Variants in C12orf43 observed in about 807,000 individuals in gnomAD.
C12orf43 encodes the protein chromosome 12 open reading frame 43.
A neutral mutation model predicts 20.6 loss-of-function variants in C12orf43; 15 were observed. The observed-to-expected ratio is 0.73, with a 90% CI of 0.49 to 1.12. The LOEUF (loss-of-function observed/expected upper bound fraction) is 1.12. Among genes scored for constraint, C12orf43 ranks in the 50% most tolerant of loss-of-function variants. C12orf43 has a pLI of 0.00. For missense variants in C12orf43, 334 were observed against 344.4 expected (o/e 0.97, Z 0.24); for synonymous variants, 144 against 130.8 (o/e 1.10, Z -0.69).
In C12orf43 at chr12:121,003,981, G is replaced by A; in HGVS notation, c.*172C>T. ...TTCTCACCCTACAGCCACTTTTTTG[G>A]CCCAACTCTCGAGCAAGCCTTCATC... On this transcript the variant is annotated 3_prime_UTR_variant, in exon 6 of 6. Coordinates refer to ENST00000288757, the MANE Select transcript of C12orf43 (RefSeq NM_022895.3). The A allele has an allele frequency of 1.4e-6, 1 of 715,952 alleles. No homozygotes were observed. The highest frequency in any genetic ancestry group is 2.5e-5 in the Admixed American group (1 of 39,596). 44.3% of individuals were successfully genotyped at this position (715,952 alleles called of 1,614,324 possible).
intron 1 of C12orf43, among the ~76,000 whole-genome samples, chr12:121,011,386 A>G (rs1878448411): frequency 6.8e-6 from 1 of 148,088 alleles, no homozygotes; most frequent in Non-Finnish European, 1.5e-5. Flanking sequence ...TTATGTAAGT[A>G]CATTATATAT....
Position 121,016,403 on chromosome 12 carries a change from C to A in C12orf43, c.72G>T (p.Glu24Asp). 1 of 1,614,052 alleles carries A rather than the reference C, an allele frequency of 6.2e-7. No homozygotes were observed. Among genetic ancestry groups the A allele is most frequent in the South Asian group, 1.1e-5 (1 of 91,088 alleles). Reference protein sequence around the residue: ...SNSSSDAEELERCREAAMPAW... With the variant: ...SNSSSDAEELDRCREAAMPAW... ...CCGGCATTGCCGCCTCGCGGCACCGCTCCAGCTCCTCCGCATCGCTACTGC... is the reference window on the plus strand; with the variant it reads ...CCGGCATTGCCGCCTCGCGGCACCGATCCAGCTCCTCCGCATCGCTACTGC... The change falls in exon 1 of 6, where the codon GAG (glutamate) becomes GAT (aspartate). Residue 24 changes from glutamate to aspartate, a missense_variant. Transcript: ENST00000288757.
intron 1 of C12orf43, among the ~76,000 whole-genome samples, chr12:121,014,957 T>C (rs1868766938): frequency 6.6e-6 from 1 of 151,652 alleles, no homozygotes; most frequent in Non-Finnish European, 1.5e-5. Flanking sequence ...GACTGAGTCC[T>C]AGTTTTGAAA....
Position 121,000,891 on chromosome 12 carries a change from T to C in C12orf43, c.*3262A>G, listed in dbSNP as rs1592900288. 14 of 797,126 alleles carry C rather than the reference T, an allele frequency of 1.8e-5. No homozygotes were observed. In the East Asian group the frequency reaches 3.8e-4, roughly 21 times the overall value. 49.4% of individuals were successfully genotyped at this position (797,126 alleles called of 1,614,324 possible). On this transcript the variant is annotated 3_prime_UTR_variant, in exon 6 of 6. Transcript: ENST00000288757. Reference sequence around the variant, plus strand: ...TCCATGGGCGGCCGTGGACCCTGGCTGGGAGGCTCCCTTTGAAGAACCGAG... The same window carrying C: ...TCCATGGGCGGCCGTGGACCCTGGCCGGGAGGCTCCCTTTGAAGAACCGAG...
In C12orf43 at chr12:121,001,788, C is replaced by T; in HGVS notation, c.*2365G>A. 1.9e-6 allele frequency: 1 copy of T among 536,316 alleles called. No homozygotes were observed. Among genetic ancestry groups the T allele is most frequent in the Non-Finnish European group, 3.6e-6 (1 of 276,424 alleles). 33.2% of individuals were successfully genotyped at this position (536,316 alleles called of 1,614,324 possible). ...GGCTACTCTGTGCCAGAGCCTGGGG[C>T]TCTAACGCCTGAGCCCAGGGAGGCC... On this transcript the variant is annotated 3_prime_UTR_variant, in exon 6 of 6. Coordinates refer to ENST00000288757, the MANE Select transcript of C12orf43 (RefSeq NM_022895.3).
In C12orf43 at chr12:121,001,253, C is replaced by A; in HGVS notation, c.*2900G>T. The A allele has an allele frequency of 3.1e-6, 5 of 1,597,294 alleles. No homozygotes were observed. The highest frequency in any genetic ancestry group is 4.3e-6 in the Non-Finnish European group (5 of 1,171,014). On this transcript the variant is annotated 3_prime_UTR_variant, in exon 6 of 6. Transcript: ENST00000288757. ...CTTGGGGGGTGATGAGGGCAGCAGC[C>A]AGCCCTGCCTGGAGGACCTGAGCCT...
chr12:121,010,873 T>G lies in C12orf43; in HGVS notation c.242A>C (p.Glu81Ala). The change falls in exon 3 of 6, where the codon GAA (glutamate) becomes GCA (alanine). Residue 81 changes from glutamate to alanine, a missense_variant. By Grantham distance (107) the Glu-to-Ala change is moderately radical (BLOSUM62 -1). Transcript: ENST00000288757. Reference sequence around the variant, plus strand: ...CTTCTTGGCTACGTGGGCTCGGAATTCAGGGGTGGTCTGAAGCTCGTTGCC... The same window carrying G: ...CTTCTTGGCTACGTGGGCTCGGAATGCAGGGGTGGTCTGAAGCTCGTTGCC... ...QDGNELQTTP[E>A]FRAHVAKKLG... 6.2e-7 allele frequency: 1 copy of G among 1,614,142 alleles called. No homozygotes were observed. The highest frequency in any genetic ancestry group is 8.5e-7 in the Non-Finnish European group (1 of 1,180,034).
intron 1 of C12orf43, among the ~76,000 whole-genome samples, chr12:121,011,431 T>TTCG (rs1334232734): frequency 6.8e-6 from 1 of 148,134 alleles, no homozygotes; most frequent in East Asian, 1.9e-4. Flanking sequence ...AAAATATATA[T>TTCG]ATAACTTAGT....
At chr12:121,010,719 C>G (rs1878385237) in intron 3 of C12orf43, 109 bp downstream of exon 3, 2 of 688,014 alleles carry the variant, frequency 2.9e-6, no homozygotes, top group Non-Finnish European at 4.5e-6. Context: ...TGACATATGC[C>G]AGGTGCCTGC....
rs1592901213 is a variant in C12orf43, at chr12:121,001,417, G to A, written c.*2736C>T. 4 of 580,930 alleles carry A rather than the reference G, an allele frequency of 6.9e-6. No homozygotes were observed. In the East Asian group the frequency reaches 8.7e-5, roughly 13 times the overall value. The allele number at this position is 580,930 out of a possible 1,614,324, so 36.0% of individuals were successfully genotyped here. A position where few individuals can be genotyped will look rare whatever the true frequency, so the allele number is the denominator to read the frequency against. Reference sequence around the variant, plus strand: ...CACAGGAGGGGGTCGTGGAGAGCTAGGAGCAAAGCCTGTTCATGGCAGATG... The same window carrying A: ...CACAGGAGGGGGTCGTGGAGAGCTAAGAGCAAAGCCTGTTCATGGCAGATG... On this transcript the variant is annotated 3_prime_UTR_variant, in exon 6 of 6. Coordinates refer to ENST00000288757, the MANE Select transcript of C12orf43 (RefSeq NM_022895.3).
rs747069150 is a variant in C12orf43, at chr12:121,004,440, C to T, written c.502G>A (p.Ala168Thr). ...GCTGACTCCTGTAGGATGTCGGACG[C>T]CGACACAGCTGCCTCCCGGCACCGC... ...WRRCREAAVS[A>T]SDILQESAIH... Residue 168 changes from alanine to threonine, a missense_variant, in exon 6 of 6, where the codon GCG becomes ACG. Physicochemically the swap from Ala to Thr is moderately conservative, Grantham distance 58 (BLOSUM62 0). Transcript: ENST00000288757. This position sits in a 1 kb window ranked among gnomAD's most constrained non-coding sequence, Gnocchi z 5.6. The T allele has an allele frequency of 1.2e-6, 2 of 1,612,476 alleles. No individual in the cohort carries two copies. Among genetic ancestry groups the T allele is most frequent in the South Asian group, 1.1e-5 (1 of 91,038 alleles).
intron 3 of C12orf43, among the ~76,000 whole-genome samples, chr12:121,009,815 G>A (rs752116731): frequency 3.9e-5 from 6 of 152,216 alleles, no homozygotes; most frequent in Non-Finnish European, 7.3e-5. Context: ...CTTTAGGAAT[G>A]CCAACCTGAA....
intron 1 of C12orf43, among the ~76,000 whole-genome samples, chr12:121,014,117 C>T (rs1315691648): frequency 1.3e-5 from 2 of 152,100 alleles, no homozygotes; most frequent in East Asian, 3.8e-4. Flanking sequence ...CACCTGAGGT[C>T]ATAAGTTCGA....
Position 121,005,202 on chromosome 12 carries a change from G to T in C12orf43, c.362-109C>A. 1.8e-6 allele frequency: 1 copy of T among 560,940 alleles called. No homozygotes were observed. The highest frequency in any genetic ancestry group is 2.6e-6 in the Non-Finnish European group (1 of 383,920). 34.7% of individuals were successfully genotyped at this position (560,940 alleles called of 1,614,324 possible). A position where few individuals can be genotyped will look rare whatever the true frequency, so the allele number is the denominator to read the frequency against. On this transcript the variant is annotated intron_variant, in intron 4 of 5. Coordinates refer to ENST00000288757, the MANE Select transcript of C12orf43 (RefSeq NM_022895.3). The surrounding 1 kb of genome is among the most constrained non-coding windows in gnomAD (Gnocchi z 5.6). ...AGAAAAAAATTTTAAAAAGGAAAAC[G>T]AAAGAAAGAAAAGATAAAGAGAAAC...
Position 121,004,940 on chromosome 12 carries a change from G to A in C12orf43, c.452+63C>T. On this transcript the variant is annotated intron_variant, in intron 5 of 5. Coordinates refer to ENST00000288757, the MANE Select transcript of C12orf43 (RefSeq NM_022895.3). The surrounding 1 kb of genome is among the most constrained non-coding windows in gnomAD (Gnocchi z 5.6). ...CTGGAGTCTGCTTGGCTATTCCAGGGAACCCACCAAGACAGAAGAGGAGAA... is the reference window on the plus strand; with the variant it reads ...CTGGAGTCTGCTTGGCTATTCCAGGAAACCCACCAAGACAGAAGAGGAGAA... 2 of 1,253,554 alleles carry A rather than the reference G, an allele frequency of 1.6e-6. No homozygotes were observed. The highest frequency in any genetic ancestry group is 3.3e-5 in the Admixed American group (1 of 30,612). 77.7% of individuals were successfully genotyped at this position (1,253,554 alleles called of 1,614,324 possible). A position where few individuals can be genotyped will look rare whatever the true frequency, so the allele number is the denominator to read the frequency against.
intron 3 of C12orf43, among the ~76,000 whole-genome samples, chr12:121,007,735 TCAGCAATGCCCTCGAGGCAGACG>T (rs1411674584): frequency 8.5e-5 from 13 of 152,338 alleles, no homozygotes; most frequent in African/African-American, 3.1e-4. Context: ...AACAAGGCTC[TCAGCAATGCCCTCGAGGCAGACG>T]CAGCAATGCC....
At position 121,016,401 on chromosome 12, in the gene C12orf43, C is replaced by T. The variant is rs1388030396; in HGVS notation, c.74G>A (p.Arg25Gln). Residue 25 changes from arginine (R) to glutamine (Q), a missense_variant, in exon 1 of 6, where the codon CGG becomes CAG. Arg to Gln is a conservative substitution (Grantham distance 43). Transcript: ENST00000288757. ...NSSSDAEELE[R>Q]CREAAMPAWG... ...AGCCGGCATTGCCGCCTCGCGGCAC[C>T]GCTCCAGCTCCTCCGCATCGCTACT... 1 of 1,614,018 alleles carries T rather than the reference C, an allele frequency of 6.2e-7. No individual in the cohort carries two copies. Among genetic ancestry groups the T allele is most frequent in the Admixed American group, 1.7e-5 (1 of 60,038 alleles).
intron 1 of C12orf43, among the ~76,000 whole-genome samples, chr12:121,013,270 C>T (rs147635393): frequency 6.6e-6 from 1 of 152,276 alleles, no homozygotes; most frequent in Non-Finnish European, 1.5e-5. Context: ...GGAAGAAGAG[C>T]ATCTCTTCCA....
rs747581338 is a variant in C12orf43 at position 121,001,031 on chromosome 12, G to GGT, written c.*3120_*3121dup. 25 of 1,611,180 alleles carry GGT rather than the reference G, an allele frequency of 1.6e-5. No individual in the cohort carries two copies. The East Asian group carries it at 5.6e-4, about 36-fold the overall frequency. ...GCAGGTGGGGTGGGTGTGGGTGCCT[G>GGT]GTGGGTGGCTAGCAGCCTTGTTTGC... On this transcript the variant is annotated 3_prime_UTR_variant, in exon 6 of 6. Coordinates refer to ENST00000288757, the MANE Select transcript of C12orf43 (RefSeq NM_022895.3).
Sources: gnomAD v4.1 joint callset for allele counts (sites outside exome capture counted in the v4.1 genomes callset) on GRCh38, gnomAD v4.1.1 for gene constraint, Gnocchi (gnomAD v3.1) non-coding constraint, MANE v1.5 for transcripts, NCBI Gene and HGNC (gene_info 2026-07-23, HGNC 2026-07-21) for gene names.